SETD7: variants seen among roughly 807,000 people sequenced by gnomAD.
SETD7 encodes histone-lysine N-methyltransferase SETD7.
SETD7 carries 16 observed loss-of-function variants against 41.8 expected under a neutral mutation model. The ratio of observed to expected loss-of-function variants is 0.38; its 90% confidence interval spans 0.26 to 0.58. SETD7 has a LOEUF of 0.58. Among genes scored for constraint, SETD7 ranks in the 20% least tolerant of loss-of-function variants. SETD7 has a pLI of 0.64. For synonymous variants in SETD7, 163 were observed against 169.7 expected (o/e 0.96, Z 0.31); for missense variants, 346 against 459.7 (o/e 0.75, Z 2.26).
At chr4:139,512,641 A>AG in intron 7 of SETD7, among the ~76,000 whole-genome samples, 1 of 152,302 alleles carries the variant, frequency 6.6e-6, no homozygotes, top group Non-Finnish European at 1.5e-5. Context: ...AGCTCACCTA[A>AG]CAGCTGCTGA....
rs779473073 is a variant in SETD7 at position 139,529,140 on chromosome 4, C to A, written c.453G>T (p.Glu151Asp). The A allele has an allele frequency of 2.5e-6, 4 of 1,614,142 alleles. No homozygotes were observed. The highest frequency in any genetic ancestry group is 2.2e-5 in the South Asian group (2 of 91,084). Residue 151 changes from glutamate (E) to aspartate (D), a missense_variant, in exon 4 of 8, where the codon GAG becomes GAT. This residue lies in a region of SETD7 where 266 missense variants were observed against 377.0 expected (regional missense o/e 0.71). Transcript: ENST00000274031. ...GEKIAYVYPD[E>D]RTALYGKFID... The stretch of plus-strand genomic sequence containing the variant: ...TAAATTTCCCATAAAGTGCGGTCCT[C>A]TCATCAGGGTACACATAGGCTATCT...
chr4:139,545,513 T>G (rs1452325212), intron 2 of SETD7, among the ~76,000 whole-genome samples: 1 of 152,210 alleles, frequency 6.6e-6, no homozygotes, highest in Non-Finnish European at 1.5e-5. Context: ...ATTTAAAATT[T>G]ACAGTTTGTA....
At chr4:139,539,423 G>T (rs564299417) in intron 2 of SETD7, among the ~76,000 whole-genome samples, 7 of 152,266 alleles carry the variant, frequency 4.6e-5, no homozygotes, top group African/African-American at 1.4e-4. Context: ...ACTATTTCCA[G>T]CCAGAAACTT....
In SETD7 at chr4:139,510,235, GCTACA is replaced by G. The variant is rs1726832565; in HGVS notation, c.*1423_*1427del. 5 of 52,876 alleles carry G rather than the reference GCTACA, an allele frequency of 9.5e-5. No individual in the cohort carries two copies. The allele number at this position is 52,876 out of a possible 1,614,324, so 3.3% of individuals were successfully genotyped here. ...CAGGTGACAGGAATCACAGCTGACA[GCTACA>G]GATCAGCACAACAGCTGCTCTCCAG... On this transcript the variant is annotated 3_prime_UTR_variant, in exon 8 of 8. Coordinates refer to ENST00000274031, the MANE Select transcript of SETD7 (RefSeq NM_030648.4).
intron 2 of SETD7, among the ~76,000 whole-genome samples, chr4:139,533,998 T>G (rs1209038354): frequency 6.6e-6 from 1 of 152,190 alleles, no homozygotes; most frequent in African/African-American, 2.4e-5. Context: ...TGTATATCTA[T>G]GTATATACAT....
downstream of SETD7, among the ~76,000 whole-genome samples, chr4:139,501,406 G>C (rs1726573587): frequency 1.7e-5 from 2 of 119,226 alleles, no homozygotes; most frequent in Non-Finnish European, 3.2e-5. Flanking sequence ...CATTCAGAGT[G>C]ACATAATGGA....
At chr4:139,537,521 G>A (rs1727671813) in intron 2 of SETD7, among the ~76,000 whole-genome samples, 1 of 152,164 alleles carries the variant, frequency 6.6e-6, no homozygotes, top group Non-Finnish European at 1.5e-5. Context: ...GCCCTGCCAT[G>A]CACATTATTC....
chr4:139,549,747 G>C lies in SETD7; in HGVS notation c.41-2698C>G, dbSNP rs59432905. On this transcript the variant is annotated intron_variant, in intron 1 of 7. Coordinates refer to ENST00000274031, the MANE Select transcript of SETD7 (RefSeq NM_030648.4). Reference sequence around the variant, plus strand: ...AGCCTCCAATGTAGCTGGGACTATAGGTAGACATCACCACAACTGGCTAAT... The same window carrying C: ...AGCCTCCAATGTAGCTGGGACTATACGTAGACATCACCACAACTGGCTAAT... Among the ~76,000 whole-genome samples the C allele has an allele frequency of 6.8e-3, 1,037 of 152,024 alleles. 15 individuals carry two copies. The highest frequency in any genetic ancestry group is 0.023 in the African/African-American group (969 of 41,470).
chr4:139,536,135 C>T (rs1293824258), intron 2 of SETD7, among the ~76,000 whole-genome samples: 1 of 152,118 alleles, frequency 6.6e-6, no homozygotes, highest in Non-Finnish European at 1.5e-5. Flanking sequence ...CACGGAGCCT[C>T]GATTTTACTC....
intron 7 of SETD7, among the ~76,000 whole-genome samples, chr4:139,498,648 G>C (rs1228591542): frequency 6.6e-6 from 1 of 152,208 alleles, no homozygotes; most frequent in Admixed American, 6.5e-5. Context: ...GGCAGCTTCA[G>C]GAGCAAAGAT....
Position 139,556,206 on chromosome 4 carries a change from G to A in SETD7, c.-69C>T. The A allele has an allele frequency of 1.3e-6, 2 of 1,512,208 alleles. No homozygotes were observed. Among genetic ancestry groups the A allele is most frequent in the South Asian group, 1.2e-5 (1 of 81,502 alleles). The allele number at this position is 1,512,208 out of a possible 1,614,324, so 93.7% of individuals were successfully genotyped here. A position where few individuals can be genotyped will look rare whatever the true frequency, so the allele number is the denominator to read the frequency against. ...CCCGTCCCTCTGGGTGCTCCCGGCG[G>A]CTGAGCGAGCTCTGGGGCTCGCGAG... On this transcript the variant is annotated 5_prime_UTR_variant, in exon 1 of 8. Transcript: ENST00000274031.
intron 2 of SETD7, among the ~76,000 whole-genome samples, chr4:139,537,132 C>T (rs1343117374): frequency 1.3e-5 from 2 of 152,096 alleles, no homozygotes; most frequent in South Asian, 2.1e-4. Flanking sequence ...CGCGCCAACA[C>T]GCCCAGCTAA....
rs2111118975 is a variant in SETD7, at chr4:139,509,791, A to C, written c.*1872T>G. ...AGAGTGACCCTATCCTGGTGCCTTT[A>C]AATCTAAAAACTATTCAGTTCCTTT... On this transcript the variant is annotated 3_prime_UTR_variant, in exon 8 of 8. Coordinates refer to ENST00000274031, the MANE Select transcript of SETD7 (RefSeq NM_030648.4). 1 of 985,466 alleles carries C rather than the reference A, an allele frequency of 1.0e-6. No homozygotes were observed. Among genetic ancestry groups the C allele is most frequent in the Admixed American group, 6.1e-5 (1 of 16,286 alleles). 61.0% of individuals were successfully genotyped at this position (985,466 alleles called of 1,614,324 possible).
intron 1 of SETD7, among the ~76,000 whole-genome samples, chr4:139,552,732 T>C (rs1560694980): frequency 6.6e-6 from 1 of 152,180 alleles, no homozygotes; most frequent in Non-Finnish European, 1.5e-5. Context: ...ACTCACAAAG[T>C]TCCCCTCTCA....
At chr4:139,543,020 T>C (rs1305591199) in intron 2 of SETD7, among the ~76,000 whole-genome samples, 3 of 152,226 alleles carry the variant, frequency 2.0e-5, no homozygotes, top group African/African-American at 7.2e-5. Flanking sequence ...GGAACATGGG[T>C]TCCCACAATT....
At chr4:139,544,491 T>C (rs1032782949) in intron 2 of SETD7, among the ~76,000 whole-genome samples, 5 of 152,094 alleles carry the variant, frequency 3.3e-5, no homozygotes, top group Non-Finnish European at 7.4e-5. Context: ...TCTGACACAC[T>C]GGGGTAAGCG....
intron 3 of SETD7, 86 bp downstream of exon 3, chr4:139,533,079 G>C: frequency 2.4e-6 from 3 of 1,272,116 alleles, no homozygotes; most frequent in Non-Finnish European, 3.4e-6. Flanking sequence ...CAGCTCCCAA[G>C]TTCTAACACA....
At chr4:139,524,909 C>T (rs935401823) in intron 4 of SETD7, among the ~76,000 whole-genome samples, 2 of 152,080 alleles carry the variant, frequency 1.3e-5, no homozygotes, top group South Asian at 2.1e-4. Flanking sequence ...CTCTGCCTCC[C>T]GGGTTCAAGC....
chr4:139,496,153 C>A, exon 8 of SETD7: 1 of 450,898 alleles, frequency 2.2e-6, no homozygotes, highest in Non-Finnish European at 3.9e-6. Context: ...TTTATCTAAT[C>A]AAGTCCTGCT....
Sources: gnomAD v4.1 joint callset for allele counts (sites outside exome capture counted in the v4.1 genomes callset) on GRCh38, gnomAD v4.1.1 for gene constraint, gnomAD v4.1.1 regional missense constraint, MANE v1.5 for transcripts, NCBI Gene and HGNC (gene_info 2026-07-23, HGNC 2026-07-21) for gene names.